Variants in SSPN observed in about 807,000 individuals in gnomAD.
The protein encoded by SSPN is K-ras oncogene-associated protein.
A neutral mutation model predicts 19.1 loss-of-function variants in SSPN; 15 were observed. That is an observed-to-expected ratio of 0.78 (90% confidence interval 0.52 to 1.21). The LOEUF is 1.21. Among genes scored for constraint, SSPN ranks in the 50% most tolerant of loss-of-function variants. The pLI is 0.00. For missense variants in SSPN, 291 were observed against 314.0 expected (o/e 0.93, Z 0.55); for synonymous variants, 147 against 140.3 (o/e 1.05, Z -0.34).
intron 1 of SSPN, among the ~76,000 whole-genome samples, chr12:26,171,780 A>G (rs1033973993): frequency 1.3e-5 from 2 of 152,348 alleles, no homozygotes; most frequent in Non-Finnish European, 2.9e-5. Flanking sequence ...CATAAACAAA[A>G]TATCTTTGAG....
At chr12:26,138,115 C>T (rs1426837334) in intron 1 of SSPN, among the ~76,000 whole-genome samples, 1 of 152,062 alleles carries the variant, frequency 6.6e-6, no homozygotes, top group Non-Finnish European at 1.5e-5. Flanking sequence ...CACATCCTCC[C>T]GTATATTTGA....
In SSPN at chr12:26,195,997, A is replaced by C. The variant is rs751609133; in HGVS notation, c.279+46A>C. On this transcript the variant is annotated intron_variant, in intron 1 of 2. Transcript: ENST00000242729. The stretch of plus-strand genomic sequence containing the variant: ...GCCTAAGCGCGTTTGCCAAACAGGA[A>C]TGCGAAGTCGCATGGTCGAGTTGAG... 10 of 1,402,362 alleles carry C rather than the reference A, an allele frequency of 7.1e-6. No homozygotes were observed. In the South Asian group the frequency reaches 1.6e-4, roughly 22 times the overall value. The allele number at this position is 1,402,362 out of a possible 1,614,324, so 86.9% of individuals were successfully genotyped here.
intron 1 of SSPN, among the ~76,000 whole-genome samples, chr12:26,204,249 G>A (rs1256928612): frequency 6.6e-6 from 1 of 152,160 alleles, no homozygotes; most frequent in Non-Finnish European, 1.5e-5. Context: ...ACGATGGGGT[G>A]GCGCGGCTCC....
At chr12:26,180,096 C>G (rs957128586) in intron 1 of SSPN, 1 of 152,088 alleles carries the variant, frequency 6.6e-6, no homozygotes, top group Non-Finnish European at 1.5e-5. Context: ...CACAACCCAT[C>G]TTGAAACCAG....
chr12:26,183,731 T>G (rs892049560), intron 1 of SSPN, among the ~76,000 whole-genome samples: 9 of 152,182 alleles, frequency 5.9e-5, no homozygotes, highest in Admixed American at 4.6e-4. Context: ...TCCCTGAGGA[T>G]ATAAACAGGG....
At chr12:26,196,872 C>G (rs1944835035) in intron 1 of SSPN, among the ~76,000 whole-genome samples, 1 of 152,236 alleles carries the variant, frequency 6.6e-6, no homozygotes. Context: ...TAGACTATAT[C>G]TGCGTTTTCC....
intron 1 of SSPN, among the ~76,000 whole-genome samples, chr12:26,138,011 C>G (rs1037773490): frequency 6.6e-6 from 1 of 152,098 alleles, no homozygotes; most frequent in Non-Finnish European, 1.5e-5. Context: ...CCACAGGGGA[C>G]TGGTTCCAGG....
intron 1 of SSPN, among the ~76,000 whole-genome samples, chr12:26,209,423 A>G (rs1327067764): frequency 6.6e-6 from 1 of 152,046 alleles, no homozygotes; most frequent in South Asian, 2.1e-4. Context: ...TGTCAGATGT[A>G]TATTTAGAAT....
intron 1 of SSPN, among the ~76,000 whole-genome samples, chr12:26,189,357 A>C (rs566314379): frequency 6.6e-6 from 1 of 152,206 alleles, no homozygotes; most frequent in Non-Finnish European, 1.5e-5. Context: ...AAGAAAAAAT[A>C]CTGATCCTAC....
At chr12:26,213,402 G>A (rs914722209) in intron 1 of SSPN, among the ~76,000 whole-genome samples, 4 of 152,088 alleles carry the variant, frequency 2.6e-5, no homozygotes, top group Non-Finnish European at 5.9e-5. Flanking sequence ...TGAAACCGAG[G>A]CTCCAAGGGT....
chr12:26,126,290 T>G (rs996387666), intron 1 of SSPN: 1 of 152,352 alleles, frequency 6.6e-6, no homozygotes, highest in African/African-American at 2.4e-5. Flanking sequence ...AGGCATGTCC[T>G]GAGGGACTCC....
chr12:26,193,480 G>T (rs540486156), upstream of SSPN, among the ~76,000 whole-genome samples: 1 of 152,286 alleles, frequency 6.6e-6, no homozygotes, highest in South Asian at 2.1e-4. Context: ...GTAATAGGTA[G>T]CTATATTGTT....
chr12:26,187,931 G>A lies in SSPN; in HGVS notation c.-30-36362G>A, dbSNP rs114623491. Among the ~76,000 whole-genome samples the A allele has an allele frequency of 2.5e-3, 379 of 152,250 alleles. 3 individuals are homozygous for A. The highest frequency in any genetic ancestry group is 8.8e-3 in the African/African-American group (366 of 41,534). On this transcript the variant is annotated intron_variant, in intron 1 of 2. Transcript: ENST00000538142. ...GAGAAAGAATGAGGACAAGATTGCC[G>A]AAGAGAAATTGCACAGAAAGATAAT...
At chr12:26,213,131 T>C (rs1945009364) in intron 1 of SSPN, among the ~76,000 whole-genome samples, 1 of 152,104 alleles carries the variant, frequency 6.6e-6, no homozygotes, top group Admixed American at 6.6e-5. Flanking sequence ...GAAAAGCATT[T>C]TTTTTTCCAG....
chr12:26,186,505 T>A (rs764344090), intron 1 of SSPN, among the ~76,000 whole-genome samples: 1 of 152,238 alleles, frequency 6.6e-6, no homozygotes, highest in Non-Finnish European at 1.5e-5. Context: ...TGCCCTAGAA[T>A]GGCTTCATGT....
chr12:26,181,176 G>A (rs188313537), intron 1 of SSPN: 1 of 152,244 alleles, frequency 6.6e-6, no homozygotes, highest in Non-Finnish European at 1.5e-5. Flanking sequence ...GATAAACTGC[G>A]ATCTCTGTGG....
intron 1 of SSPN, among the ~76,000 whole-genome samples, chr12:26,133,490 A>C (rs1019363481): frequency 1.3e-5 from 2 of 152,154 alleles, no homozygotes; most frequent in Non-Finnish European, 2.9e-5. Context: ...GAAGATAAAA[A>C]CCACCCTAGA....
chr12:26,187,437 CATT>C (rs1442849009), intron 1 of SSPN, among the ~76,000 whole-genome samples: 2 of 152,230 alleles, frequency 1.3e-5, no homozygotes, highest in Admixed American at 1.3e-4. Flanking sequence ...ATTATTGAAA[CATT>C]GTTTTTGATA....
intron 1 of SSPN, among the ~76,000 whole-genome samples, chr12:26,127,524 G>A (rs1038067807): frequency 6.6e-6 from 1 of 151,884 alleles, no homozygotes; most frequent in African/African-American, 2.4e-5. Flanking sequence ...CTGCAAATGG[G>A]GTCTTTTCCC....
Sources: gnomAD v4.1 joint callset for allele counts (sites outside exome capture counted in the v4.1 genomes callset) on GRCh38, gnomAD v4.1.1 for gene constraint, MANE v1.5 for transcripts, NCBI Gene and HGNC (gene_info 2026-07-23, HGNC 2026-07-21) for gene names.